The following LAMA2 variants were observed in gnomAD, a reference collection of about 807,000 sequenced individuals.
LAMA2 encodes the protein laminin subunit alpha 2, also known as laminin subunit alpha-2.
In LAMA2, 269 loss-of-function variants were observed where a neutral mutation model predicts 364.8. The ratio of observed to expected loss-of-function variants is 0.74; its 90% confidence interval spans 0.67 to 0.82. The LOEUF (loss-of-function observed/expected upper bound fraction) is 0.82. LAMA2 is among the 40% of genes least tolerant of loss of function. The probability of loss-of-function intolerance (pLI) is 0.00; values close to 1 mark genes in which losing one functional copy is unlikely to be tolerated. For synonymous variants in LAMA2, 1,379 were observed against 1,370.6 expected, an observed-to-expected ratio of 1.01 and a Z score of -0.14; for missense variants, 3,807 against 3,873.2, an observed-to-expected ratio of 0.98 and a Z score of 0.45.
At chr6:129,263,376 G>A (rs963748214) in intron 15 of LAMA2, among the ~76,000 whole-genome samples, 4 of 152,172 alleles carry the variant, frequency 2.6e-5, no homozygotes, top group African/African-American at 7.2e-5. Context: ...CTATGATAAA[G>A]TTACTGCAAG....
intron 1 of LAMA2, among the ~76,000 whole-genome samples, chr6:128,925,273 C>G (rs1239911055): frequency 6.6e-6 from 1 of 152,166 alleles, no homozygotes; most frequent in Non-Finnish European, 1.5e-5. Flanking sequence ...TGGCTGTTGA[C>G]AGACGAATAG....
chr6:129,481,995 A>T (rs1312919561), intron 55 of LAMA2, among the ~76,000 whole-genome samples: 1 of 152,186 alleles, frequency 6.6e-6, no homozygotes, highest in Non-Finnish European at 1.5e-5. Context: ...ATAGCATTCA[A>T]GGATGTTAAA....
chr6:128,938,178 C>A (rs1352779995), intron 1 of LAMA2, among the ~76,000 whole-genome samples: 1 of 152,024 alleles, frequency 6.6e-6, no homozygotes, highest in African/African-American at 2.4e-5. Context: ...GCCATTTAAA[C>A]TCTCAGTGCC....
At chr6:129,389,579 C>T (rs1163795639) in intron 35 of LAMA2, among the ~76,000 whole-genome samples, 2 of 152,212 alleles carry the variant, frequency 1.3e-5, no homozygotes, top group African/African-American at 4.8e-5. Context: ...CTATAAAGAA[C>T]TACCTGAGAC....
chr6:129,006,992 T>C (rs1027757249), intron 1 of LAMA2, among the ~76,000 whole-genome samples: 2 of 152,174 alleles, frequency 1.3e-5, no homozygotes, highest in African/African-American at 4.8e-5. Flanking sequence ...CCTGACATCC[T>C]GATTCCTGAA....
chr6:129,054,327 T>C (rs897918617), intron 2 of LAMA2, among the ~76,000 whole-genome samples: 3 of 152,136 alleles, frequency 2.0e-5, no homozygotes, highest in Admixed American at 6.5e-5. Context: ...AAAGAGAAGA[T>C]GGCAAGAAAA....
At chr6:128,953,379 C>T (rs1193010833) in intron 1 of LAMA2, among the ~76,000 whole-genome samples, 3 of 152,088 alleles carry the variant, frequency 2.0e-5, no homozygotes, top group Non-Finnish European at 4.4e-5. Context: ...AGATAGTAGA[C>T]TTCATCAGTA....
At chr6:129,050,172 G>A in intron 2 of LAMA2, 84 bp downstream of exon 2, 1 of 1,365,000 alleles carries the variant, frequency 7.3e-7, no homozygotes, top group Admixed American at 1.8e-5. Flanking sequence ...TTAAATTCAA[G>A]GGTTTGTAAT....
intron 3 of LAMA2, among the ~76,000 whole-genome samples, chr6:129,066,904 G>A (rs981693511): frequency 7.9e-5 from 12 of 152,120 alleles, no homozygotes; most frequent in Admixed American, 2.0e-4. Context: ...CTTATCTCAT[G>A]CCATATAAAA....
intron 17 of LAMA2, among the ~76,000 whole-genome samples, chr6:129,278,551 C>T (rs1179563738): frequency 2.0e-5 from 3 of 152,138 alleles, no homozygotes; most frequent in Non-Finnish European, 4.4e-5. Context: ...AGTGCAATCA[C>T]AATCCCGTCA....
chr6:128,906,425 A>C, intron 1 of LAMA2, among the ~76,000 whole-genome samples: 1 of 121,616 alleles, frequency 8.2e-6, no homozygotes, highest in Non-Finnish European at 1.7e-5. Context: ...TGGCTGCATA[A>C]ATGTCTTCTT....
chr6:129,328,445 A>C (rs1046455449), intron 29 of LAMA2, 33 bp downstream of exon 29: 2 of 1,613,924 alleles, frequency 1.2e-6, no homozygotes, highest in Admixed American at 3.3e-5. Flanking sequence ...AACAAGGTCC[A>C]TGTGCTCATT....
chr6:128,955,650 T>G (rs1165644448), intron 1 of LAMA2, among the ~76,000 whole-genome samples: 7 of 151,976 alleles, frequency 4.6e-5, no homozygotes, highest in Non-Finnish European at 1.0e-4. Context: ...AGTTTGGGTT[T>G]AATAAAACCC....
intron 1 of LAMA2, among the ~76,000 whole-genome samples, chr6:128,977,878 T>C (rs948172874): frequency 6.6e-6 from 1 of 152,228 alleles, no homozygotes; most frequent in African/African-American, 2.4e-5. Flanking sequence ...GGTTGATTCA[T>C]TCTCTCCCTA....
At chr6:129,174,171 A>C (rs989073330) in intron 9 of LAMA2, among the ~76,000 whole-genome samples, 1 of 152,012 alleles carries the variant, frequency 6.6e-6, no homozygotes, top group African/African-American at 2.4e-5. Flanking sequence ...TAGAACTCTC[A>C]TCTATCCCAA....
chr6:129,418,363 A>G (rs903295166), intron 40 of LAMA2, among the ~76,000 whole-genome samples: 2 of 151,950 alleles, frequency 1.3e-5, no homozygotes, highest in Non-Finnish European at 2.9e-5. Flanking sequence ...CCTGGTGGAC[A>G]ACAGGTGATC....
At chr6:128,982,626 C>G (rs575897586) in intron 1 of LAMA2, among the ~76,000 whole-genome samples, 301 of 150,868 alleles carry the variant, frequency 2.0e-3, no homozygotes, top group African/African-American at 7.0e-3. Context: ...TTTTATTATA[C>G]TTTAAGTTTT....
chr6:129,017,030 A>G (rs1441148113), intron 1 of LAMA2, among the ~76,000 whole-genome samples: 4 of 151,970 alleles, frequency 2.6e-5, no homozygotes, highest in Non-Finnish European at 5.9e-5. Flanking sequence ...TGTATCTAAA[A>G]TATGCTGAAT....
chr6:129,453,069 G>C lies in LAMA2; in HGVS notation c.6511G>C (p.Val2171Leu). The change falls in exon 46 of 65, where the codon GTT becomes CTT. Residue 2171 changes from valine to leucine, a missense_variant. Physicochemically the swap from Val to Leu is conservative, Grantham distance 32 (BLOSUM62 1). This residue lies in a region of LAMA2 where 3,333 missense variants were observed against 3,345.7 expected (regional missense o/e 1.00). Transcript: ENST00000421865. Reference sequence around the variant, plus strand: ...CAAGAAAGGAAGTTACAATAATATTGTTGTCAACGTAAAGACAGCTGTTGC... The same window carrying C: ...CAAGAAAGGAAGTTACAATAATATTCTTGTCAACGTAAAGACAGCTGTTGC... ...EIKKGSYNNI[V>L]VNVKTAVADN... 1 of 1,612,798 alleles carries C rather than the reference G, an allele frequency of 6.2e-7. No individual in the cohort carries two copies. Among genetic ancestry groups the C allele is most frequent in the East Asian group, 2.2e-5 (1 of 44,758 alleles).
Sources: gnomAD v4.1 joint callset for allele counts (sites outside exome capture counted in the v4.1 genomes callset) on GRCh38, gnomAD v4.1.1 for gene constraint, gnomAD v4.1.1 regional missense constraint, MANE v1.5 for transcripts, NCBI Gene and HGNC (gene_info 2026-07-23, HGNC 2026-07-21) for gene names.